Variants in D2HGDH observed in about 807,000 individuals in gnomAD.
D2HGDH encodes the protein D-2-hydroxyglutarate dehydrogenase.
D2HGDH carries 31 observed loss-of-function variants against 46.9 expected under a neutral mutation model. The observed-to-expected ratio is 0.66, with a 90% CI of 0.50 to 0.89. The LOEUF (loss-of-function observed/expected upper bound fraction) is 0.89, where lower values mean the gene tolerates loss of function less well. Among genes scored for constraint, D2HGDH ranks in the 40% least tolerant of loss-of-function variants. The pLI is 0.00. For synonymous variants in D2HGDH, 364 were observed against 332.6 expected (o/e 1.09, Z -1.03); for missense variants, 698 against 720.8 (o/e 0.97, Z 0.36).
Position 241,742,573 on chromosome 2 carries a change from T to A in D2HGDH, c.489T>A (p.Ser163=). 2 of 1,614,054 alleles carry A rather than the reference T, an allele frequency of 1.2e-6. No individual in the cohort carries two copies. The highest frequency in any genetic ancestry group is 1.7e-6 in the Non-Finnish European group (2 of 1,180,004). Residue 163 remains serine, a splice_region_variant and synonymous_variant, in exon 4 of 10, where the codon TCT becomes TCA. Coordinates refer to ENST00000321264, the MANE Select transcript of D2HGDH (RefSeq NM_152783.5). The surrounding 1 kb of genome is among the most constrained non-coding windows in gnomAD (Gnocchi z 4.8). The part of the protein sequence containing the change: ...MNRVLSFHSV[S]GILVCQAGCV... ...GGGTCCTCAGCTTCCACAGCGTGTC[T>A]GGTAAGCCTGTGCCACCCGTCGGGG... is the stretch of plus-strand genomic sequence containing the variant.
intron 2 of D2HGDH, among the ~76,000 whole-genome samples, chr2:241,739,136 C>T (rs1210994177): frequency 2.6e-5 from 4 of 152,260 alleles, no homozygotes; most frequent in South Asian, 2.1e-4. Flanking sequence ...GGGCTCCCAT[C>T]GTTAACACTG....
chr2:241,736,410 C>G (rs910020349), intron 2 of D2HGDH, among the ~76,000 whole-genome samples: 1 of 146,750 alleles, frequency 6.8e-6, no homozygotes, highest in African/African-American at 2.5e-5. Context: ...AGTGTGAAAT[C>G]AGGGTATCAC....
intron 8 of D2HGDH, among the ~76,000 whole-genome samples, chr2:241,753,347 C>T (rs1697604190): frequency 2.0e-5 from 3 of 150,360 alleles, no homozygotes; most frequent in Admixed American, 2.0e-4. Flanking sequence ...CTTTTCTCTG[C>T]TGTTGTCCGG....
intron 9 of D2HGDH, among the ~76,000 whole-genome samples, chr2:241,762,000 T>G (rs34762429): frequency 0.6 from 90,860 of 151,178 alleles, 29,397 homozygotes; most frequent in African/African-American, 0.87. Flanking sequence ...CAGCCTCAGT[T>G]CAGGGCAGTT....
In D2HGDH at chr2:241,750,363, G is replaced by T; in HGVS notation, c.997+69G>T. The T allele has an allele frequency of 3.2e-6, 4 of 1,234,834 alleles. 1 individual carries two copies. Among genetic ancestry groups the T allele is most frequent in the Non-Finnish European group, 4.4e-6 (4 of 917,016 alleles). 76.5% of individuals were successfully genotyped at this position (1,234,834 alleles called of 1,614,324 possible). On this transcript the variant is annotated intron_variant, in intron 7 of 9. Transcript: ENST00000321264. ...TCTGCACGTCTGGACACATGGGACG[G>T]CTCAGAGACCCCGGGTGGGCGGGGG...
In D2HGDH at chr2:241,751,272, A is replaced by G; in HGVS notation, c.1024A>G (p.Thr342Ala). 6.2e-7 allele frequency: 1 copy of G among 1,613,980 alleles called. No individual in the cohort carries two copies. The highest frequency in any genetic ancestry group is 8.5e-7 in the Non-Finnish European group (1 of 1,180,028). The change falls in exon 8 of 10, where the codon ACT becomes GCT. Residue 342 changes from threonine to alanine, a missense_variant. Thr to Ala is a moderately conservative substitution (Grantham distance 58). Coordinates refer to ENST00000321264, the MANE Select transcript of D2HGDH (RefSeq NM_152783.5). ...QESPFYVLIETSGSNAGHDAE... is the reference protein window; with the variant it reads ...QESPFYVLIEASGSNAGHDAE... Reference sequence around the variant, plus strand: ...GAGTCCGTTTTACGTCCTCATCGAGACTTCAGGCTCCAACGCAGGCCATGA... The same window carrying G: ...GAGTCCGTTTTACGTCCTCATCGAGGCTTCAGGCTCCAACGCAGGCCATGA...
chr2:241,750,188 C>T lies in D2HGDH; in HGVS notation c.891C>T (p.Ser297=). The T allele has an allele frequency of 1.2e-6, 2 of 1,614,084 alleles. No individual in the cohort carries two copies. Among genetic ancestry groups the T allele is most frequent in the Non-Finnish European group, 8.5e-7 (1 of 1,180,022 alleles). ...TTGCTGAGGTTCTGCAGACCTTCAGCACCTGCAAGGGGATGCTGGGTGAGA... is the reference window on the plus strand; with the variant it reads ...TTGCTGAGGTTCTGCAGACCTTCAGTACCTGCAAGGGGATGCTGGGTGAGA... ...PGFAEVLQTF[S]TCKGMLGEIL... Residue 297 remains serine (S), a synonymous_variant, in exon 7 of 10, where the codon AGC becomes AGT. Coordinates refer to ENST00000321264, the MANE Select transcript of D2HGDH (RefSeq NM_152783.5).
intron 7 of D2HGDH, among the ~76,000 whole-genome samples, chr2:241,750,820 G>C (rs1041452092): frequency 4.6e-5 from 7 of 151,666 alleles, no homozygotes; most frequent in African/African-American, 1.7e-4. Flanking sequence ...GGGTTCAAAC[G>C]ATTCTTCTGC....
intron 3 of D2HGDH, among the ~76,000 whole-genome samples, chr2:241,741,659 A>G (rs1398883440): frequency 2.5e-5 from 3 of 118,724 alleles, no homozygotes; most frequent in Non-Finnish European, 5.0e-5. Context: ...GGTTTATTTC[A>G]TGTGTGGGGC....
intron 6 of D2HGDH, chr2:241,749,483 A>C (rs1696722621): frequency 1.1e-6 from 1 of 945,026 alleles, no homozygotes; most frequent in Non-Finnish European, 1.4e-6. Context: ...CCATCTTTGC[A>C]CTTGAGGGTC....
At chr2:241,751,220 A>G in intron 7 of D2HGDH, 26 bp from the exon 8 acceptor site, 1 of 1,613,678 alleles carries the variant, frequency 6.2e-7, no homozygotes, top group Non-Finnish European at 8.5e-7. Context: ...GCCTCTGCTC[A>G]CTCTGCCTTC....
chr2:241,753,113 C>G (rs1316317606), intron 8 of D2HGDH, among the ~76,000 whole-genome samples: 1 of 152,224 alleles, frequency 6.6e-6, no homozygotes, highest in Non-Finnish European at 1.5e-5. Flanking sequence ...CCTCCAGACG[C>G]TTCCTGGGAC....
At position 241,742,528 on chromosome 2, in the gene D2HGDH, C is replaced by T. The variant is rs773995552; in HGVS notation, c.444C>T (p.Leu148=). The T allele has an allele frequency of 2.5e-6, 4 of 1,614,132 alleles. No homozygotes were observed. Among genetic ancestry groups the T allele is most frequent in the Non-Finnish European group, 3.4e-6 (4 of 1,180,008 alleles). ...GSVPVFDEII[L]STARMNRVLS... ...TCCCCGTCTTTGACGAGATCATCCT[C>T]TCCACTGCCCGCATGAACCGGGTCC... The change falls in exon 4 of 10, where the codon CTC becomes CTT. Residue 148 remains leucine, a synonymous_variant. Transcript: ENST00000321264. This position sits in a 1 kb window ranked among gnomAD's most constrained non-coding sequence, Gnocchi z 4.8.
At position 241,743,748 on chromosome 2, in the gene D2HGDH, C is replaced by T. The variant is rs1364124926; in HGVS notation, c.617C>T (p.Thr206Ile). 1.9e-6 allele frequency: 3 copies of T among 1,612,800 alleles called. No homozygotes were observed. Among genetic ancestry groups the T allele is most frequent in the South Asian group, 2.2e-5 (2 of 90,736 alleles). The change falls in exon 5 of 10, where the codon ACC becomes ATC. Residue 206 changes from threonine (T) to isoleucine (I), a missense_variant. Physicochemically the swap from Thr to Ile is moderately conservative, Grantham distance 89. Transcript: ENST00000321264. The surrounding 1 kb of genome is among the most constrained non-coding windows in gnomAD (Gnocchi z 4.8). Reference sequence around the variant, plus strand: ...TGCCACATCGGGGGAAACGTGGCAACCAACGCTGGAGGCCTGCGGTTTCTT... The same window carrying T: ...TGCCACATCGGGGGAAACGTGGCAATCAACGCTGGAGGCCTGCGGTTTCTT... ...GSCHIGGNVA[T>I]NAGGLRFLRY...
At chr2:241,755,732 A>T (rs1698086796) in intron 8 of D2HGDH, 117 bp from the exon 9 acceptor site, 1 of 1,594,528 alleles carries the variant, frequency 6.3e-7, no homozygotes, top group Admixed American at 1.7e-5. Context: ...CCGGGGTCGG[A>T]GCCTCACCTG....
intron 6 of D2HGDH, among the ~76,000 whole-genome samples, chr2:241,746,942 A>G (rs986454962): frequency 6.6e-6 from 1 of 152,036 alleles, no homozygotes; most frequent in African/African-American, 2.4e-5. Context: ...TAATCAGGCA[A>G]TTCCATTTTT....
chr2:241,767,810 G>A lies in D2HGDH; in HGVS notation c.1407G>A (p.Gln469=). Residue 469 remains glutamine (Q), a synonymous_variant, in exon 10 of 10, where the codon CAG becomes CAA. Coordinates refer to ENST00000321264, the MANE Select transcript of D2HGDH (RefSeq NM_152783.5). The part of the protein sequence containing the change: ...PHVYEWTAGQ[Q]GSVSAEHGVG... The stretch of plus-strand genomic sequence containing the variant: ...TGTACGAGTGGACGGCCGGGCAGCA[G>A]GGCAGCGTCAGCGCGGAGCACGGAG... 1 of 1,612,340 alleles carries A rather than the reference G, an allele frequency of 6.2e-7. No individual in the cohort carries two copies. The highest frequency in any genetic ancestry group is 1.1e-5 in the South Asian group (1 of 91,060).
intron 9 of D2HGDH, among the ~76,000 whole-genome samples, chr2:241,764,016 G>A (rs1044789799): frequency 6.6e-6 from 1 of 152,184 alleles, no homozygotes; most frequent in Non-Finnish European, 1.5e-5. Flanking sequence ...ACTGCCCTCC[G>A]GCCTGGGTGA....
chr2:241,768,382 A>C lies in D2HGDH; in HGVS notation c.*413A>C. 5.0e-6 allele frequency: 1 copy of C among 200,018 alleles called. No individual in the cohort carries two copies. The highest frequency in any genetic ancestry group is 1.3e-4 in the East Asian group (1 of 7,582). 12.4% of individuals were successfully genotyped at this position (200,018 alleles called of 1,614,324 possible). A position where few individuals can be genotyped will look rare whatever the true frequency, so the allele number is the denominator to read the frequency against. On this transcript the variant is annotated 3_prime_UTR_variant, in exon 10 of 10. Coordinates refer to ENST00000321264, the MANE Select transcript of D2HGDH (RefSeq NM_152783.5). Reference sequence around the variant, plus strand: ...CGGGCATGCGTGGGCAGCGGGGGGCATGCGTGGGCAGCAGGGGGCGTGGGC... The same window carrying C: ...CGGGCATGCGTGGGCAGCGGGGGGCCTGCGTGGGCAGCAGGGGGCGTGGGC...
Sources: gnomAD v4.1 joint callset for allele counts (sites outside exome capture counted in the v4.1 genomes callset) on GRCh38, gnomAD v4.1.1 for gene constraint, Gnocchi (gnomAD v3.1) non-coding constraint, MANE v1.5 for transcripts, NCBI Gene and HGNC (gene_info 2026-07-23, HGNC 2026-07-21) for gene names.